The following CFAP299 variants were observed in gnomAD, a reference collection of about 807,000 sequenced individuals.
CFAP299 encodes the protein cilia- and flagella-associated protein 299.
A neutral mutation model predicts 27.0 loss-of-function variants in CFAP299; 21 were observed. That is an observed-to-expected ratio of 0.78 (90% CI 0.55 to 1.12). The LOEUF (loss-of-function observed/expected upper bound fraction) is 1.12, where lower values mean the gene tolerates loss of function less well. CFAP299 is among the 50% of genes most tolerant of loss of function. The probability of loss-of-function intolerance (pLI) is 0.00; values close to 1 mark genes in which losing one functional copy is unlikely to be tolerated. For synonymous variants in CFAP299, 104 were observed against 98.1 expected (o/e 1.06, Z -0.36); for missense variants, 310 against 276.6 (o/e 1.12, Z -0.86).
chr4:80,890,009 G>A (rs949421319), intron 4 of CFAP299, among the ~76,000 whole-genome samples: 3 of 152,090 alleles, frequency 2.0e-5, no homozygotes, highest in African/African-American at 7.2e-5. Flanking sequence ...CAGATCCACA[G>A]CTAATATCAT....
At chr4:80,405,952 G>A (rs551684013) in intron 2 of CFAP299, among the ~76,000 whole-genome samples, 5 of 152,062 alleles carry the variant, frequency 3.3e-5, no homozygotes, top group South Asian at 4.2e-4. Context: ...CAACTCACAC[G>A]TTCTTATTAT....
chr4:80,478,507 CAAAT>C (rs1385287181), intron 2 of CFAP299, among the ~76,000 whole-genome samples: 14 of 151,976 alleles, frequency 9.2e-5, no homozygotes, highest in African/African-American at 3.4e-4. Context: ...AGCAATTTCT[CAAAT>C]AAATGATGCA....
At chr4:80,792,701 G>C (rs527681067) in intron 3 of CFAP299, among the ~76,000 whole-genome samples, 1 of 152,046 alleles carries the variant, frequency 6.6e-6, no homozygotes, top group Non-Finnish European at 1.5e-5. Context: ...AGAAATATTT[G>C]TTCAGATAGG....
At chr4:80,586,912 C>T (rs528146207) in intron 3 of CFAP299, among the ~76,000 whole-genome samples, 2 of 151,628 alleles carry the variant, frequency 1.3e-5, no homozygotes, top group Admixed American at 6.5e-5. Flanking sequence ...ATTATTGAAG[C>T]TAGTAAAAAA....
At chr4:80,955,479 A>G (rs1560492208) in intron 5 of CFAP299, among the ~76,000 whole-genome samples, 2 of 152,204 alleles carry the variant, frequency 1.3e-5, no homozygotes, top group East Asian at 1.9e-4. Flanking sequence ...GTAGTGTATT[A>G]CCTTAGAAAC....
chr4:80,543,098 G>A (rs945158340), intron 2 of CFAP299, among the ~76,000 whole-genome samples: 1 of 152,190 alleles, frequency 6.6e-6, no homozygotes, highest in African/African-American at 2.4e-5. Context: ...CCAGTGCAGA[G>A]CTTTGCCTGG....
chr4:80,505,028 CAATA>C (rs1407262183), intron 2 of CFAP299, among the ~76,000 whole-genome samples: 7 of 147,932 alleles, frequency 4.7e-5, no homozygotes, highest in African/African-American at 1.5e-4. Flanking sequence ...ATTTATATGT[CAATA>C]AATCATTTAT....
In CFAP299 at chr4:80,890,290, C is replaced by CA. The variant is rs567572408; in HGVS notation, c.476+20159dup. Among the ~76,000 whole-genome samples the CA allele has an allele frequency of 4.5e-4, 68 of 152,030 alleles. 1 individual carries two copies. Among genetic ancestry groups the CA allele is most frequent in the African/African-American group, 1.5e-3 (63 of 41,492 alleles). On this transcript the variant is annotated intron_variant, in intron 4 of 5. Transcript: ENST00000358105. The stretch of plus-strand genomic sequence containing the variant: ...ACAAATTCAATAAAGTTGCGTGATA[C>CA]AAAATCAACATATAAAAATCAGGAG...
chr4:80,488,684 G>C (rs1730955902), intron 2 of CFAP299, among the ~76,000 whole-genome samples: 1 of 152,122 alleles, frequency 6.6e-6, no homozygotes, highest in Non-Finnish European at 1.5e-5. Flanking sequence ...CACCGTGTTA[G>C]CCAGGATGGT....
intron 4 of CFAP299, among the ~76,000 whole-genome samples, chr4:80,923,425 G>A (rs1208203080): frequency 6.6e-6 from 1 of 152,018 alleles, no homozygotes; most frequent in Non-Finnish European, 1.5e-5. Flanking sequence ...AGGCCAAGAT[G>A]AAGAACTTAT....
intron 1 of CFAP299, among the ~76,000 whole-genome samples, chr4:80,362,393 A>G (rs1008576605): frequency 6.6e-6 from 1 of 150,488 alleles, no homozygotes; most frequent in Non-Finnish European, 1.5e-5. Context: ...TATGAGTACC[A>G]TTGTCTCTAT....
At chr4:80,419,306 C>T (rs984576360) in intron 2 of CFAP299, among the ~76,000 whole-genome samples, 5 of 152,264 alleles carry the variant, frequency 3.3e-5, no homozygotes, top group African/African-American at 9.6e-5. Flanking sequence ...CCTGATTCTT[C>T]CCTTGGGGTG....
chr4:80,792,956 T>A (rs960474810), intron 3 of CFAP299, among the ~76,000 whole-genome samples: 3 of 152,118 alleles, frequency 2.0e-5, no homozygotes, highest in Non-Finnish European at 4.4e-5. Context: ...TTGAGGGACA[T>A]CTATTTCTTG....
chr4:80,779,862 A>G (rs897105093), intron 3 of CFAP299, among the ~76,000 whole-genome samples: 1 of 152,048 alleles, frequency 6.6e-6, no homozygotes, highest in Admixed American at 6.6e-5. Context: ...TTTGAAGAAA[A>G]CAGGCAAAAT....
At chr4:80,686,118 G>A (rs756476588) in intron 3 of CFAP299, among the ~76,000 whole-genome samples, 2 of 149,640 alleles carry the variant, frequency 1.3e-5, no homozygotes, top group South Asian at 2.1e-4. Flanking sequence ...ATAAATCCAT[G>A]GGAACTTTAA....
intron 3 of CFAP299, among the ~76,000 whole-genome samples, chr4:80,804,405 G>A (rs748068678): frequency 2.0e-5 from 3 of 152,052 alleles, no homozygotes; most frequent in East Asian, 3.9e-4. Context: ...CTTGTTTCAC[G>A]TAGTGTGATA....
At chr4:80,688,029 G>A (rs574196637) in intron 3 of CFAP299, among the ~76,000 whole-genome samples, 18 of 152,310 alleles carry the variant, frequency 1.2e-4, no homozygotes, top group African/African-American at 3.6e-4. Context: ...CACCTGGCTC[G>A]GAGGGTCCTA....
intron 3 of CFAP299, among the ~76,000 whole-genome samples, chr4:80,740,560 G>T (rs1302523567): frequency 6.6e-6 from 1 of 152,152 alleles, no homozygotes; most frequent in Non-Finnish European, 1.5e-5. Flanking sequence ...GACTGCACTG[G>T]GTCAGACATG....
chr4:80,435,940 C>A (rs749738172), intron 2 of CFAP299, among the ~76,000 whole-genome samples: 1 of 152,130 alleles, frequency 6.6e-6, no homozygotes, highest in Non-Finnish European at 1.5e-5. Context: ...GGCCCCATAT[C>A]TATCTTTAAT....
Sources: gnomAD v4.1 joint callset for allele counts (sites outside exome capture counted in the v4.1 genomes callset) on GRCh38, gnomAD v4.1.1 for gene constraint, MANE v1.5 for transcripts, NCBI Gene and HGNC (gene_info 2026-07-23, HGNC 2026-07-21) for gene names.